AKAP12: variants seen among roughly 807,000 people sequenced by gnomAD.
The protein encoded by AKAP12 is A-kinase anchor protein 12.
AKAP12 carries 32 observed loss-of-function variants against 79.9 expected under a neutral mutation model. That is an observed-to-expected ratio of 0.40 (90% CI 0.30 to 0.54). AKAP12 has a LOEUF of 0.54. AKAP12 is among the 20% of genes least tolerant of loss of function. AKAP12 has a pLI of 0.48. For missense variants in AKAP12, 2,074 were observed against 2,177.0 expected (o/e 0.95, Z 0.94); for synonymous variants, 808 against 857.0 (o/e 0.94, Z 1.00).
intron 3 of AKAP12, among the ~76,000 whole-genome samples, chr6:151,331,027 A>C (rs1269612384): frequency 1.3e-5 from 2 of 152,204 alleles, no homozygotes; most frequent in Non-Finnish European, 2.9e-5. Flanking sequence ...GACTGATTTT[A>C]TAAATCGGGA....
chr6:151,281,965 T>G (rs1015061829), intron 2 of AKAP12, among the ~76,000 whole-genome samples: 3 of 152,038 alleles, frequency 2.0e-5, no homozygotes, highest in Non-Finnish European at 4.4e-5. Flanking sequence ...CCCAAAGCAC[T>G]GGGTTTATAG....
intron 2 of AKAP12, among the ~76,000 whole-genome samples, chr6:151,272,238 A>G (rs1357141069): frequency 2.0e-5 from 3 of 150,514 alleles, no homozygotes; most frequent in Non-Finnish European, 4.4e-5. Flanking sequence ...CTAGCTACTT[A>G]GGAGGACTAG....
At chr6:151,253,883 A>G (rs60574988) in intron 2 of AKAP12, among the ~76,000 whole-genome samples, 5,601 of 151,662 alleles carry the variant, frequency 0.037, 302 homozygotes, top group East Asian at 0.23. Context: ...ATTTTTTTGT[A>G]TTTTTAGTAG....
At chr6:151,325,998 CG>C (rs1352220929) in intron 3 of AKAP12, 6 of 1,444,460 alleles carry the variant, frequency 4.2e-6, no homozygotes, top group Non-Finnish European at 5.8e-6. Context: ...AGGTCAGTGG[CG>C]GGACCGTTAT....
At chr6:151,331,884 C>CA (rs565268957) in intron 3 of AKAP12, among the ~76,000 whole-genome samples, 18,590 of 93,898 alleles carry the variant, frequency 0.2, 2,227 homozygotes, top group African/African-American at 0.34. Context: ...GACTCCGTCT[C>CA]AAAAAAAAAA....
chr6:151,248,326 C>T (rs1797114797), intron 2 of AKAP12, among the ~76,000 whole-genome samples: 1 of 148,544 alleles, frequency 6.7e-6, no homozygotes. Flanking sequence ...TAGTCTTGAA[C>T]TCCCGGACTC....
In AKAP12 at chr6:151,351,967, G is replaced by A. The variant is rs148511278; in HGVS notation, c.3576G>A (p.Val1192=). 1.5e-5 allele frequency: 25 copies of A among 1,613,970 alleles called. No individual in the cohort carries two copies. Among genetic ancestry groups the A allele is most frequent in the African/African-American group, 1.2e-4 (9 of 74,890 alleles). The change falls in exon 4 of 5, where the codon GTG becomes GTA. Residue 1192 remains valine, a synonymous_variant. Transcript: ENST00000402676. This position sits in a 1 kb window ranked among gnomAD's most constrained non-coding sequence, Gnocchi z 4.4. ...APGTTQKDEI[V]EIHEENEVAS... Reference sequence around the variant, plus strand: ...GCACAACCCAGAAAGACGAGATTGTGGAAATCCATGAGGAGAATGAGGTCG... The same window carrying A: ...GCACAACCCAGAAAGACGAGATTGTAGAAATCCATGAGGAGAATGAGGTCG...
intron 2 of AKAP12, among the ~76,000 whole-genome samples, chr6:151,243,696 C>T (rs908989824): frequency 9.2e-5 from 14 of 152,088 alleles, no homozygotes; most frequent in African/African-American, 2.7e-4. Flanking sequence ...AAGATCCAGG[C>T]GGGGGCAGGG....
intron 3 of AKAP12, chr6:151,325,374 G>A (rs1041160028): frequency 1.0e-6 from 1 of 985,454 alleles, no homozygotes; most frequent in African/African-American, 1.7e-5. Flanking sequence ...ATCGGTGCCA[G>A]GAATGAAGTA....
intron 3 of AKAP12, among the ~76,000 whole-genome samples, chr6:151,312,793 C>CAAAAAAAAAAAAAAAAAAAAAAA (rs55685824): frequency 1.8e-4 from 13 of 72,990 alleles, no homozygotes; most frequent in East Asian, 7.8e-4. Flanking sequence ...ACTCTGTCTC[C>CAAAAAAAAAAAAAAAAAAAAAAA]AAAAAAAAAA....
chr6:151,336,694 G>T (rs530116564), intron 3 of AKAP12, among the ~76,000 whole-genome samples: 1 of 152,280 alleles, frequency 6.6e-6, no homozygotes, highest in African/African-American at 2.4e-5. Flanking sequence ...GTGGAACTGA[G>T]ATCACACCAC....
rs201559704 is a variant in AKAP12, at chr6:151,351,234, C to A, written c.2843C>A (p.Pro948His). Residue 948 changes from proline to histidine, a missense_variant, in exon 4 of 5, where the codon CCC becomes CAC. By Grantham distance (77) the Pro-to-His change is moderately conservative. Transcript: ENST00000402676. The surrounding 1 kb of genome is among the most constrained non-coding windows in gnomAD (Gnocchi z 4.4). ...EREVIAEEEP[P>H]TVTEPLPENR... ...GAAGTAATTGCAGAAGAAGAACCCC[C>A]CACGGTTACTGAACCTCTGCCAGAG... 1 of 1,614,224 alleles carries A rather than the reference C, an allele frequency of 6.2e-7. No homozygotes were observed. Among genetic ancestry groups the A allele is most frequent in the East Asian group, 2.2e-5 (1 of 44,878 alleles).
At chr6:151,276,005 C>G (rs1202836779) in intron 2 of AKAP12, among the ~76,000 whole-genome samples, 1 of 152,154 alleles carries the variant, frequency 6.6e-6, no homozygotes, top group East Asian at 1.9e-4. Flanking sequence ...AAAAATTAGA[C>G]TGAACATAAT....
intron 4 of AKAP12, 140 bp downstream of exon 4, chr6:151,353,892 C>T: frequency 1.6e-6 from 1 of 613,586 alleles, no homozygotes; most frequent in East Asian, 2.8e-5. Flanking sequence ...CAACTAGATT[C>T]AAAGATCTAG....
chr6:151,334,359 C>T (rs1356827886), intron 3 of AKAP12, among the ~76,000 whole-genome samples: 7 of 151,758 alleles, frequency 4.6e-5, no homozygotes, highest in African/African-American at 1.7e-4. Context: ...TTTCAGAGGC[C>T]GAGGCAGGTG....
chr6:151,297,024 T>A (rs1776746226), intron 2 of AKAP12, among the ~76,000 whole-genome samples: 1 of 151,506 alleles, frequency 6.6e-6, no homozygotes, highest in Non-Finnish European at 1.5e-5. Flanking sequence ...AAAGGGTTTT[T>A]TTTTTTTTTT....
At chr6:151,292,752 G>A (rs1001939183) in intron 2 of AKAP12, among the ~76,000 whole-genome samples, 4 of 152,248 alleles carry the variant, frequency 2.6e-5, no homozygotes, top group Admixed American at 6.5e-5. Flanking sequence ...TGAAGAGCCT[G>A]CAAGGCGTGT....
Position 151,351,975 on chromosome 6 carries a change from A to G in AKAP12, c.3584A>G (p.His1195Arg). ...CAGAAAGACGAGATTGTGGAAATCC[A>G]TGAGGAGAATGAGGTCGCATCTGGT... ...TTQKDEIVEIHEENEVASGTQ... is the reference protein window; with the variant it reads ...TTQKDEIVEIREENEVASGTQ... The change falls in exon 4 of 5, where the codon CAT (histidine) becomes CGT (arginine). Residue 1195 changes from histidine (H) to arginine (R), a missense_variant. His to Arg is a conservative substitution (Grantham distance 29). Transcript: ENST00000402676. The surrounding 1 kb of genome is among the most constrained non-coding windows in gnomAD (Gnocchi z 4.4). The G allele has an allele frequency of 1.2e-6, 2 of 1,614,128 alleles. No individual in the cohort carries two copies. The highest frequency in any genetic ancestry group is 1.7e-6 in the Non-Finnish European group (2 of 1,180,024).
chr6:151,308,634 G>A (rs1018389408), intron 3 of AKAP12, among the ~76,000 whole-genome samples: 1 of 152,150 alleles, frequency 6.6e-6, no homozygotes, highest in Admixed American at 6.5e-5. Flanking sequence ...AGGTGTTTCT[G>A]GAGGCCTTAC....
Sources: allele counts gnomAD v4.1 joint callset (sites outside exome capture counted in the v4.1 genomes callset), GRCh38; gene constraint gnomAD v4.1.1; non-coding constraint Gnocchi (gnomAD v3.1); transcripts MANE v1.5; gene names NCBI Gene and HGNC (gene_info 2026-07-23, HGNC 2026-07-21).